Variants in PLCB4 observed in about 807,000 individuals in gnomAD.
PLCB4 encodes the protein 1-phosphatidylinositol 4,5-bisphosphate phosphodiesterase beta-4.
In PLCB4, 77 loss-of-function variants were observed where a neutral mutation model predicts 178.8. The observed-to-expected ratio is 0.43, with a 90% CI of 0.36 to 0.52. The LOEUF is 0.52. PLCB4 is among the 20% of genes least tolerant of loss of function. PLCB4 has a pLI of 0.00. For synonymous variants in PLCB4, 496 were observed against 490.8 expected, an observed-to-expected ratio of 1.01 and a Z score of -0.14; for missense variants, 1,024 against 1,453.4, an observed-to-expected ratio of 0.70 and a Z score of 4.80.
In PLCB4 at chr20:9,479,839, C is replaced by T. The variant is rs2044779645; in HGVS notation, c.*830C>T. ...AAATCATCTAAGTATTGCCACATGA[C>T]AAGATTAGTAAACAGGAATACTAGA... On this transcript the variant is annotated 3_prime_UTR_variant, in exon 40 of 40. Transcript: ENST00000378473. 6.6e-6 allele frequency: 1 copy of T among 152,496 alleles called. No homozygotes were observed. The highest frequency in any genetic ancestry group is 1.5e-5 in the Non-Finnish European group (1 of 68,018). The allele number at this position is 152,496 out of a possible 1,614,324, so 9.4% of individuals were successfully genotyped here.
Position 9,384,344 on chromosome 20 carries a change from A to G in PLCB4, c.997A>G (p.Thr333Ala), listed in dbSNP as rs771605816. ...FISSSHNTYL[T>A]GRQFGGKSSV... ...CAGTTCTTCCCATAACACTTATCTC[A>G]CTGGCAGACAGTTCGGCGGGAAGTC... Residue 333 changes from threonine (T) to alanine (A), a missense_variant, in exon 14 of 40, where the codon ACT (threonine) becomes GCT (alanine). Physicochemically the swap from Thr to Ala is moderately conservative, Grantham distance 58 (BLOSUM62 0). This residue lies in a region of PLCB4 where 263 missense variants were observed against 417.4 expected (regional missense o/e 0.63). Transcript: ENST00000378473. 6.2e-7 allele frequency: 1 copy of G among 1,611,762 alleles called. No homozygotes were observed. Among genetic ancestry groups the G allele is most frequent in the Admixed American group, 1.7e-5 (1 of 60,004 alleles).
chr20:9,410,383 G>C (rs956536566), intron 24 of PLCB4, among the ~76,000 whole-genome samples: 1 of 152,198 alleles, frequency 6.6e-6, no homozygotes, highest in Admixed American at 6.5e-5. Flanking sequence ...CCATAATATG[G>C]ATTAAATGGC....
At position 9,264,995 on chromosome 20, in the gene PLCB4, G is replaced by T. The variant is rs549901597; in HGVS notation, c.-15-42805G>T. 4.6e-5 allele frequency among the ~76,000 whole-genome samples: 7 copies of T among 152,232 alleles called. 1 individual carries two copies. In the South Asian group the frequency reaches 1.5e-3, roughly 32 times the overall value. On this transcript the variant is annotated intron_variant, in intron 3 of 39. Coordinates refer to ENST00000378473, the MANE Select transcript of PLCB4 (RefSeq NM_001377142.1). ...CAAGACAACAAATTCATTAGTTTTG[G>T]GGCAACTCCAAGAATCTGACTATTT...
At chr20:9,335,924 G>A (rs1019460216) in intron 4 of PLCB4, among the ~76,000 whole-genome samples, 3 of 152,090 alleles carry the variant, frequency 2.0e-5, no homozygotes, top group Non-Finnish European at 4.4e-5. Context: ...TTTGTTCAGG[G>A]ACCCCTAGGA....
At chr20:9,427,791 G>A (rs545494238) in intron 28 of PLCB4, among the ~76,000 whole-genome samples, 1 of 152,256 alleles carries the variant, frequency 6.6e-6, no homozygotes, top group East Asian at 1.9e-4. Flanking sequence ...GTGATAGGGA[G>A]GGGAGCAAAT....
intron 22 of PLCB4, among the ~76,000 whole-genome samples, chr20:9,408,352 G>A (rs2039604671): frequency 6.9e-6 from 1 of 144,806 alleles, no homozygotes; most frequent in Non-Finnish European, 1.5e-5. Context: ...TCAAAAGCTG[G>A]TTTTCAAAAA....
At chr20:9,312,101 C>T (rs897762412) in intron 4 of PLCB4, among the ~76,000 whole-genome samples, 9 of 152,050 alleles carry the variant, frequency 5.9e-5, no homozygotes, top group African/African-American at 1.9e-4. Flanking sequence ...CAGTGCATTC[C>T]GTTGGAATCT....
intron 38 of PLCB4, among the ~76,000 whole-genome samples, chr20:9,474,402 C>T (rs569891417): frequency 1.3e-5 from 2 of 152,282 alleles, no homozygotes; most frequent in South Asian, 4.1e-4. Flanking sequence ...GTTCCTATGG[C>T]AACAAGACCC....
At chr20:9,206,338 A>G (rs1371836245) in intron 2 of PLCB4, among the ~76,000 whole-genome samples, 3 of 87,504 alleles carry the variant, frequency 3.4e-5, no homozygotes, top group Non-Finnish European at 7.4e-5. Flanking sequence ...GTTTTTCAGT[A>G]AGAAACCCTT....
intron 3 of PLCB4, among the ~76,000 whole-genome samples, chr20:9,291,053 A>G (rs1046908272): frequency 6.6e-6 from 1 of 152,146 alleles, no homozygotes; most frequent in Admixed American, 6.6e-5. Flanking sequence ...TTTCCATTCC[A>G]GCATGCTATA....
At chr20:9,097,593 C>A (rs566195648) in intron 2 of PLCB4, among the ~76,000 whole-genome samples, 1 of 152,152 alleles carries the variant, frequency 6.6e-6, no homozygotes, top group Non-Finnish European at 1.5e-5. Flanking sequence ...AACAATTTGT[C>A]CTGATTTAAT....
At chr20:9,395,921 A>G (rs2038548504) in intron 19 of PLCB4, among the ~76,000 whole-genome samples, 1 of 152,174 alleles carries the variant, frequency 6.6e-6, no homozygotes, top group Non-Finnish European at 1.5e-5. Context: ...GCAGTGAGCT[A>G]TATGTAATCC....
chr20:9,311,980 T>C (rs1380722514), intron 4 of PLCB4, among the ~76,000 whole-genome samples: 2 of 152,132 alleles, frequency 1.3e-5, no homozygotes, highest in Non-Finnish European at 2.9e-5. Context: ...TTCAAATTCA[T>C]ATAGGTACAT....
intron 3 of PLCB4, among the ~76,000 whole-genome samples, chr20:9,277,525 G>C (rs2094460406): frequency 6.6e-6 from 1 of 151,982 alleles, no homozygotes; most frequent in Non-Finnish European, 1.5e-5. Context: ...TCCAATGCCA[G>C]ATTTCCTGCA....
At chr20:9,125,821 T>A (rs1444379920) in intron 2 of PLCB4, among the ~76,000 whole-genome samples, 1 of 152,242 alleles carries the variant, frequency 6.6e-6, no homozygotes, top group Non-Finnish European at 1.5e-5. Context: ...AGTTTATATT[T>A]GTTGCTTGTC....
At chr20:9,278,942 C>T (rs1299530766) in intron 3 of PLCB4, among the ~76,000 whole-genome samples, 4 of 152,032 alleles carry the variant, frequency 2.6e-5, no homozygotes, top group African/African-American at 9.7e-5. Context: ...TTCACAGGTC[C>T]TGCCCTCATG....
chr20:9,331,662 T>C (rs2031676161), intron 4 of PLCB4, among the ~76,000 whole-genome samples: 1 of 152,224 alleles, frequency 6.6e-6, no homozygotes, highest in Non-Finnish European at 1.5e-5. Flanking sequence ...AAATGTTTAA[T>C]GTTAGTTGAT....
In PLCB4 at chr20:9,373,052, G is replaced by T; in HGVS notation, c.692G>T (p.Gly231Val). 6.7e-7 allele frequency: 1 copy of T among 1,494,510 alleles called. No homozygotes were observed. The highest frequency in any genetic ancestry group is 9.3e-7 in the Non-Finnish European group (1 of 1,073,764). The allele number at this position is 1,494,510 out of a possible 1,614,324, so 92.6% of individuals were successfully genotyped here. A position where few individuals can be genotyped will look rare whatever the true frequency, so the allele number is the denominator to read the frequency against. Reference sequence around the variant, plus strand: ...TCTAATAAATTTCTTTTCAGCAATGGAGACAAAACTGATTATTTAACGGTA... The same window carrying T: ...TCTAATAAATTTCTTTTCAGCAATGTAGACAAAACTGATTATTTAACGGTA... Reference protein sequence around the residue: ...DIEDLFKKINGDKTDYLTVDQ... With the variant: ...DIEDLFKKINVDKTDYLTVDQ... The change falls in exon 12 of 40, where the codon GGA (glycine) becomes GTA (valine). Residue 231 changes from glycine (G) to valine (V), a missense_variant. Gly to Val is a moderately radical substitution (Grantham distance 109). Transcript: ENST00000378473.
intron 3 of PLCB4, among the ~76,000 whole-genome samples, chr20:9,304,819 G>A (rs975474819): frequency 8.0e-5 from 12 of 149,782 alleles, no homozygotes; most frequent in African/African-American, 2.9e-4. Flanking sequence ...TTCTTAGCAC[G>A]TGCCTATGGT....
Sources: allele counts gnomAD v4.1 joint callset (sites outside exome capture counted in the v4.1 genomes callset), GRCh38; gene constraint gnomAD v4.1.1; regional missense constraint gnomAD v4.1.1; transcripts MANE v1.5; gene names NCBI Gene and HGNC (gene_info 2026-07-23, HGNC 2026-07-21).